The following SMAD7 variants were observed in gnomAD, a reference collection of about 807,000 sequenced individuals.
The protein encoded by SMAD7 is SMAD family member 7.
SMAD7 carries 8 observed loss-of-function variants against 38.7 expected under a neutral mutation model. The ratio of observed to expected loss-of-function variants is 0.21; its 90% confidence interval spans 0.12 to 0.37. SMAD7 has a LOEUF of 0.37. Ranked by LOEUF, SMAD7 falls within the 10% of genes least tolerant of loss-of-function variation. The probability of loss-of-function intolerance (pLI) is 1.00; values close to 1 mark genes in which losing one functional copy is unlikely to be tolerated. For missense variants in SMAD7, 477 were observed against 577.9 expected (o/e 0.83, Z 1.79); for synonymous variants, 327 against 265.1 (o/e 1.23, Z -2.27).
chr18:48,931,628 G>A (rs1384701045), intron 3 of SMAD7, among the ~76,000 whole-genome samples: 1 of 152,170 alleles, frequency 6.6e-6, no homozygotes, highest in Non-Finnish European at 1.5e-5. Flanking sequence ...CTCATCAATA[G>A]GGGGATCATT....
chr18:48,925,436 C>A (rs4939825), intron 3 of SMAD7, among the ~76,000 whole-genome samples: 1 of 45,892 alleles, frequency 2.2e-5, no homozygotes, highest in African/African-American at 5.9e-5. Flanking sequence ...GGTGTTGCCC[C>A]CCCCCAACCT....
intron 3 of SMAD7, among the ~76,000 whole-genome samples, chr18:48,937,263 CATGT>C (rs908798245): frequency 5.8e-5 from 4 of 69,082 alleles, no homozygotes; most frequent in Admixed American, 3.8e-4. Flanking sequence ...TAAGTAAAGG[CATGT>C]GTGTGTGTGT....
At position 48,923,740 on chromosome 18, in the gene SMAD7, C is replaced by A. The variant is rs1364204353; in HGVS notation, c.743-1830G>T. On this transcript the variant is annotated intron_variant, in intron 3 of 3. Coordinates refer to ENST00000262158, the MANE Select transcript of SMAD7 (RefSeq NM_005904.4). The stretch of plus-strand genomic sequence containing the variant: ...CACCAGAAAACTGGCCGGTCACCAC[C>A]CCCCATGTAGCTTGGAAGTCCAGTG... Among the ~76,000 whole-genome samples the A allele has an allele frequency of 4.6e-5, 7 of 152,144 alleles. No homozygotes were observed. The South Asian group carries it at 1.0e-3, about 23-fold the overall frequency.
intron 3 of SMAD7, among the ~76,000 whole-genome samples, chr18:48,923,739 C>T (rs943152995): frequency 2.0e-5 from 3 of 152,122 alleles, no homozygotes; most frequent in Admixed American, 6.6e-5. Flanking sequence ...CCGGTCACCA[C>T]CCCCCATGTA....
In SMAD7 at chr18:48,920,601, C is replaced by T. The variant is rs2069844917; in HGVS notation, c.*771G>A. The T allele has an allele frequency of 6.6e-6, 1 of 152,484 alleles. No homozygotes were observed. The highest frequency in any genetic ancestry group is 2.1e-4 in the South Asian group (1 of 4,826). 9.4% of individuals were successfully genotyped at this position (152,484 alleles called of 1,614,324 possible). On this transcript the variant is annotated 3_prime_UTR_variant, in exon 4 of 4. Transcript: ENST00000262158. ...CTGTGAGGGGGCTGCCCCGGCAGCC[C>T]TTGGGAAGCCCATCTCAGGGAGATC...
chr18:48,924,600 A>G (rs2069903306), intron 3 of SMAD7, among the ~76,000 whole-genome samples: 1 of 152,132 alleles, frequency 6.6e-6, no homozygotes, highest in Admixed American at 6.5e-5. Context: ...GCCCAGAAAA[A>G]CTGCAATGCA....
intron 2 of SMAD7, among the ~76,000 whole-genome samples, chr18:48,946,130 C>T (rs1238489711): frequency 6.6e-6 from 1 of 152,186 alleles, no homozygotes; most frequent in Non-Finnish European, 1.5e-5. Context: ...ATTCCCACCA[C>T]CTTTTCCTAA....
intron 1 of SMAD7, 94 bp downstream of exon 1, chr18:48,949,718 T>G: frequency 7.3e-7 from 1 of 1,376,800 alleles, no homozygotes; most frequent in African/African-American, 1.5e-5. Context: ...ACACTCCCCC[T>G]GGAGGGATGG....
chr18:48,943,507 T>A (rs886594490), intron 2 of SMAD7, among the ~76,000 whole-genome samples: 2 of 152,102 alleles, frequency 1.3e-5, no homozygotes, highest in African/African-American at 2.4e-5. Context: ...GAACCACAAC[T>A]CATTAGTCCC....
chr18:48,941,941 C>A (rs1396692389), intron 3 of SMAD7, among the ~76,000 whole-genome samples: 2 of 152,188 alleles, frequency 1.3e-5, no homozygotes, highest in Non-Finnish European at 2.9e-5. Context: ...GTGCTCCCAC[C>A]CTGGTGCTCC....
chr18:48,931,376 C>A (rs2069998594), intron 3 of SMAD7, among the ~76,000 whole-genome samples: 1 of 152,168 alleles, frequency 6.6e-6, no homozygotes, highest in Non-Finnish European at 1.5e-5. Flanking sequence ...CTCCTTTGCA[C>A]CCCCATAACT....
intron 3 of SMAD7, among the ~76,000 whole-genome samples, chr18:48,935,764 T>G (rs904934169): frequency 6.6e-6 from 1 of 152,162 alleles, no homozygotes; most frequent in Admixed American, 6.5e-5. Flanking sequence ...TCAGCACAGA[T>G]GTGTCTGCTT....
intron 3 of SMAD7, among the ~76,000 whole-genome samples, chr18:48,940,331 T>C (rs2070122598): frequency 6.6e-6 from 1 of 152,238 alleles, no homozygotes; most frequent in Non-Finnish European, 1.5e-5. Context: ...AGAGAGTCAC[T>C]GCTTCTTCCT....
intron 2 of SMAD7, among the ~76,000 whole-genome samples, chr18:48,944,081 A>T (rs1164033621): frequency 6.6e-6 from 1 of 152,196 alleles, no homozygotes; most frequent in Non-Finnish European, 1.5e-5. Flanking sequence ...ACACTTAATC[A>T]AACAGAAAAC....
rs1187721536 is a variant in SMAD7 at position 48,920,040 on chromosome 18, G to A, written c.*1332C>T. 1 of 152,316 alleles carries A rather than the reference G, an allele frequency of 6.6e-6. No homozygotes were observed. The highest frequency in any genetic ancestry group is 2.4e-5 in the African/African-American group (1 of 41,352). The allele number at this position is 152,316 out of a possible 1,614,324, so 9.4% of individuals were successfully genotyped here. A position where few individuals can be genotyped will look rare whatever the true frequency, so the allele number is the denominator to read the frequency against. On this transcript the variant is annotated 3_prime_UTR_variant, in exon 4 of 4. Transcript: ENST00000262158. ...TTTATTTTTCTTGTTTATACACATT[G>A]CACAATACATAAATAATGATGCTTA...
rs1169180020 is a variant in SMAD7 at position 48,950,733 on chromosome 18, A to G, written c.-309T>C. On this transcript the variant is annotated 5_prime_UTR_variant, in exon 1 of 4. Transcript: ENST00000262158. The stretch of plus-strand genomic sequence containing the variant: ...TCCGGCCCCGGCGCGCCCCGGAGGA[A>G]CCCGGCCGCCGCTTCCCTGGGGACG... The G allele has an allele frequency of 2.7e-5, 4 of 148,688 alleles. No individual in the cohort carries two copies. The highest frequency in any genetic ancestry group is 2.7e-4 in the Admixed American group (4 of 14,998). 9.2% of individuals were successfully genotyped at this position (148,688 alleles called of 1,614,324 possible).
At chr18:48,941,565 A>T (rs1027563920) in intron 3 of SMAD7, among the ~76,000 whole-genome samples, 3 of 152,206 alleles carry the variant, frequency 2.0e-5, no homozygotes, top group Admixed American at 6.5e-5. Flanking sequence ...CTACCACGTG[A>T]TCCTACAGGC....
intron 1 of SMAD7, among the ~76,000 whole-genome samples, chr18:48,948,742 A>G (rs1328299827): frequency 6.6e-6 from 1 of 152,192 alleles, no homozygotes; most frequent in Non-Finnish European, 1.5e-5. Context: ...GCGGGGGGCG[A>G]CCATGCCCCC....
intron 3 of SMAD7, among the ~76,000 whole-genome samples, chr18:48,925,473 C>A (rs890914481): frequency 1.3e-5 from 2 of 151,840 alleles, no homozygotes; most frequent in African/African-American, 4.8e-5. Context: ...AGCATAAAAT[C>A]CTCCCTTTAA....
Sources: gnomAD v4.1 joint callset for allele counts (sites outside exome capture counted in the v4.1 genomes callset) on GRCh38, gnomAD v4.1.1 for gene constraint, MANE v1.5 for transcripts, NCBI Gene and HGNC (gene_info 2026-07-23, HGNC 2026-07-21) for gene names.